The following CD44 variants were observed in gnomAD, a reference collection of about 807,000 sequenced individuals.
CD44 encodes CD44 molecule (IN blood group), also known as CD44 antigen.
Under a neutral mutation model 88.8 loss-of-function variants are expected in CD44, and 49 were observed. The observed-to-expected ratio is 0.55, with a 90% CI of 0.44 to 0.70. CD44 has a LOEUF of 0.70. CD44 is among the 30% of genes least tolerant of loss of function. CD44 has a pLI of 0.00. For synonymous variants in CD44, 325 were observed against 312.3 expected, an observed-to-expected ratio of 1.04 and a Z score of -0.43; for missense variants, 883 against 913.8, an observed-to-expected ratio of 0.97 and a Z score of 0.43.
rs1190247298 is a variant in CD44 at position 35,209,842 on chromosome 11, A to T, written c.1517-123A>T. On this transcript the variant is annotated intron_variant, in intron 12 of 17. Coordinates refer to ENST00000428726, the MANE Select transcript of CD44 (RefSeq NM_000610.4). ...AATCAGAGGAGAATTGTGTGCACAA[A>T]CCTTGGTCTTCCTATGCACCTATCC... 6.3e-6 allele frequency: 4 copies of T among 637,192 alleles called. No individual in the cohort carries two copies. The African/African-American group carries it at 7.7e-5, about 12-fold the overall frequency. 39.5% of individuals were successfully genotyped at this position (637,192 alleles called of 1,614,324 possible). A position where few individuals can be genotyped will look rare whatever the true frequency, so the allele number is the denominator to read the frequency against.
At chr11:35,217,720 G>A (rs1346920185) in intron 15 of CD44, among the ~76,000 whole-genome samples, 2 of 152,124 alleles carry the variant, frequency 1.3e-5, no homozygotes, top group African/African-American at 4.8e-5. Context: ...GGCTCCATGA[G>A]GAAAGCTCTC....
At chr11:35,153,975 A>T (rs1424219419) in intron 1 of CD44, among the ~76,000 whole-genome samples, 3 of 152,244 alleles carry the variant, frequency 2.0e-5, no homozygotes, top group African/African-American at 7.2e-5. Context: ...CAAGTGGTTT[A>T]TCATGTCTGC....
Position 35,174,576 on chromosome 11 carries a change from T to C in CD44, c.68-1999T>C, listed in dbSNP as rs182895442. Among the ~76,000 whole-genome samples the C allele has an allele frequency of 3.7e-4, 56 of 152,336 alleles. 2 individuals are homozygous for C. The highest frequency in any genetic ancestry group is 3.5e-3 in the Admixed American group (53 of 15,302). On this transcript the variant is annotated intron_variant, in intron 1 of 17. Transcript: ENST00000428726. ...TTACAGCCTTTGAAGTCTTTTGAGA[T>C]TGTTACACAGGATCAAGTAGAAGAG...
rs1159613970 is a variant in CD44 at position 35,214,034 on chromosome 11, TGTGG to T, written c.1811-812_1811-809del. The T allele has an allele frequency of 2.6e-5, 4 of 151,658 alleles. No homozygotes were observed. The East Asian group carries it at 7.7e-4, about 29-fold the overall frequency. The allele number at this position is 151,658 out of a possible 1,614,324, so 9.4% of individuals were successfully genotyped here. ...AAGATTCCAGTATGCTTTTGAAAAA[TGTGG>T]GTGGGGGAGAGAGTTTTAATATGCT... On this transcript the variant is annotated intron_variant, in intron 14 of 17. Coordinates refer to ENST00000428726, the MANE Select transcript of CD44 (RefSeq NM_000610.4).
intron 2 of CD44, among the ~76,000 whole-genome samples, chr11:35,177,626 G>C (rs1944598776): frequency 6.6e-6 from 1 of 152,184 alleles, no homozygotes; most frequent in Admixed American, 6.5e-5. Flanking sequence ...GAAAAGTCAA[G>C]CTGCAGAACT....
intron 7 of CD44, 88 bp downstream of exon 7, chr11:35,198,334 AGTT>A: frequency 3.9e-6 from 5 of 1,268,848 alleles, no homozygotes; most frequent in Admixed American, 2.0e-5. Flanking sequence ...CTTGAGAAGT[AGTT>A]AATGTGAAAA....
chr11:35,159,536 C>T (rs547340760), intron 1 of CD44, among the ~76,000 whole-genome samples: 77 of 152,246 alleles, frequency 5.1e-4, no homozygotes, highest in Middle Eastern at 3.4e-3. Context: ...GGCCAGTCAT[C>T]CAAGGTTTCA....
chr11:35,160,644 C>T (rs182345564), intron 1 of CD44, among the ~76,000 whole-genome samples: 4 of 152,262 alleles, frequency 2.6e-5, no homozygotes, highest in South Asian at 4.2e-4. Flanking sequence ...ATAAAGTAAA[C>T]GAGGCCTCTG....
chr11:35,166,420 C>A (rs755591417), intron 1 of CD44, among the ~76,000 whole-genome samples: 1 of 152,238 alleles, frequency 6.6e-6, no homozygotes, highest in Non-Finnish European at 1.5e-5. Context: ...CATACCCTCA[C>A]CTCCAAGTCC....
intron 11 of CD44, among the ~76,000 whole-genome samples, chr11:35,206,772 G>A (rs1334375938): frequency 1.3e-5 from 2 of 151,732 alleles, no homozygotes; most frequent in African/African-American, 2.4e-5. Context: ...TTTTTCACAA[G>A]GGAAGATGTG....
At chr11:35,222,677 G>T (rs1949403024) in intron 17 of CD44, 3 of 893,744 alleles carry the variant, frequency 3.4e-6, no homozygotes, top group Non-Finnish European at 4.0e-6. Context: ...CCTTTAACAG[G>T]GGTATAAATC....
chr11:35,204,784 A>G, intron 10 of CD44, 144 bp downstream of exon 10: 1 of 709,894 alleles, frequency 1.4e-6, no homozygotes, highest in Non-Finnish European at 2.3e-6. Context: ...CAGTTCACAC[A>G]GAGCCAAACC....
At chr11:35,206,424 T>A (rs1298173468) in intron 11 of CD44, among the ~76,000 whole-genome samples, 181 bp downstream of exon 11, 1 of 152,154 alleles carries the variant, frequency 6.6e-6, no homozygotes, top group Non-Finnish European at 1.5e-5. Flanking sequence ...AATATGAAGT[T>A]CTGAGCTGAA....
intron 1 of CD44, among the ~76,000 whole-genome samples, chr11:35,143,419 C>G (rs1449027580): frequency 6.6e-6 from 1 of 151,362 alleles, no homozygotes. Context: ...CTAAGCCTCC[C>G]AACAGCCCAA....
chr11:35,181,944 T>TA (rs1945149656), intron 3 of CD44, among the ~76,000 whole-genome samples: 2 of 85,986 alleles, frequency 2.3e-5, no homozygotes, highest in African/African-American at 4.9e-5. Context: ...AAATTATATA[T>TA]AATATATATA....
intron 17 of CD44, among the ~76,000 whole-genome samples, chr11:35,228,433 T>A (rs1949863703): frequency 6.6e-6 from 1 of 152,230 alleles, no homozygotes; most frequent in South Asian, 2.1e-4. Flanking sequence ...AAGTGTTGAC[T>A]GGGAGAGGAA....
chr11:35,206,668 G>T (rs1344341824), intron 11 of CD44, among the ~76,000 whole-genome samples: 1 of 123,830 alleles, frequency 8.1e-6, no homozygotes, highest in Non-Finnish European at 1.6e-5. Flanking sequence ...GTGGGGGTTG[G>T]TGGGGGGGGC....
At chr11:35,209,417 C>T (rs1392776496) in intron 12 of CD44, among the ~76,000 whole-genome samples, 4 of 152,074 alleles carry the variant, frequency 2.6e-5, no homozygotes, top group African/African-American at 9.7e-5. Flanking sequence ...AATTTAATGA[C>T]CTTTACAAGG....
intron 3 of CD44, among the ~76,000 whole-genome samples, chr11:35,186,018 A>G (rs1478074539): frequency 6.6e-6 from 1 of 151,416 alleles, no homozygotes; most frequent in Non-Finnish European, 1.5e-5. Flanking sequence ...TCCTAAAGCA[A>G]GGGATGAAAG....
Sources: gnomAD v4.1 joint callset for allele counts (sites outside exome capture counted in the v4.1 genomes callset) on GRCh38, gnomAD v4.1.1 for gene constraint, MANE v1.5 for transcripts, NCBI Gene and HGNC (gene_info 2026-07-23, HGNC 2026-07-21) for gene names.